GRIK1: variants seen among roughly 807,000 people sequenced by gnomAD.
The protein encoded by GRIK1 is glutamate receptor ionotropic, kainate 1.
In GRIK1, 69 loss-of-function variants were observed where a neutral mutation model predicts 105.7. The observed-to-expected ratio is 0.65, with a 90% CI of 0.54 to 0.80. The LOEUF (loss-of-function observed/expected upper bound fraction) is 0.80, where lower values mean the gene tolerates loss of function less well. Ranked by LOEUF, GRIK1 falls within the 30% of genes least tolerant of loss-of-function variation. The pLI, the probability that GRIK1 is intolerant of heterozygous loss-of-function variation, is 0.00. For synonymous variants in GRIK1, 438 were observed against 431.3 expected (o/e 1.02, Z -0.19); for missense variants, 1,109 against 1,167.3 (o/e 0.95, Z 0.73).
chr21:29,553,547 T>C (rs750218215), intron 16 of GRIK1: 2 of 1,484,116 alleles, frequency 1.3e-6, no homozygotes, highest in Non-Finnish European at 1.8e-6. Flanking sequence ...TTTTTTTTTT[T>C]AAACTGATTA....
intron 1 of GRIK1, among the ~76,000 whole-genome samples, chr21:29,725,605 A>T (rs1175227406): frequency 1.3e-5 from 2 of 152,230 alleles, no homozygotes; most frequent in Admixed American, 1.3e-4. Flanking sequence ...GCCATAATGT[A>T]GTCCTATTAG....
intron 1 of GRIK1, among the ~76,000 whole-genome samples, chr21:29,888,022 C>T (rs1430675011): frequency 6.6e-6 from 1 of 151,550 alleles, no homozygotes; most frequent in African/African-American, 2.4e-5. Context: ...AACCAACTCC[C>T]CAAAAGCTAG....
At chr21:29,842,979 T>A (rs1217716725) in intron 1 of GRIK1, among the ~76,000 whole-genome samples, 1 of 152,240 alleles carries the variant, frequency 6.6e-6, no homozygotes, top group South Asian at 2.1e-4. Context: ...TTTCCTATTA[T>A]ATATTTCTGA....
chr21:29,809,462 T>C (rs573856812), intron 1 of GRIK1, among the ~76,000 whole-genome samples: 1 of 152,330 alleles, frequency 6.6e-6, no homozygotes, highest in Admixed American at 6.5e-5. Flanking sequence ...CAAGTTGTAA[T>C]CTTTTTGCTG....
intron 6 of GRIK1, among the ~76,000 whole-genome samples, chr21:29,644,301 C>T (rs1203901307): frequency 6.6e-6 from 1 of 152,046 alleles, no homozygotes; most frequent in Non-Finnish European, 1.5e-5. Flanking sequence ...ATCTTTATGT[C>T]TGTATCTTGT....
chr21:29,927,099 C>A (rs1259587079), intron 1 of GRIK1, among the ~76,000 whole-genome samples: 1 of 152,124 alleles, frequency 6.6e-6, no homozygotes, highest in Non-Finnish European at 1.5e-5. Flanking sequence ...GGGCCTGATG[C>A]CTCCCCGCTC....
At chr21:29,587,626 G>A (rs761258030) in intron 11 of GRIK1, 37 bp from the exon 12 acceptor site, 1 of 1,247,394 alleles carries the variant, frequency 8.0e-7, no homozygotes, top group South Asian at 1.2e-5. Context: ...GCTTAGTCTA[G>A]TTTCTTTGCA....
chr21:29,907,029 A>T lies in GRIK1; in HGVS notation c.118+32354T>A, dbSNP rs536167736. On this transcript the variant is annotated intron_variant, in intron 1 of 17. Coordinates refer to ENST00000327783, the MANE Select transcript of GRIK1 (RefSeq NM_001330994.2). ...TGAGATGAATCAATAAAAATAAAAA[A>T]AAAAAAGCCAAAGCAAATAAATCTA... is the stretch of plus-strand genomic sequence containing the variant. Among the ~76,000 whole-genome samples, 15 of 147,242 alleles carry T rather than the reference A, an allele frequency of 1.0e-4. No homozygotes were observed. The East Asian group carries it at 1.2e-3, about 11-fold the overall frequency.
chr21:29,692,613 A>G (rs1418898155), intron 2 of GRIK1, among the ~76,000 whole-genome samples: 2 of 152,162 alleles, frequency 1.3e-5, no homozygotes, highest in East Asian at 1.9e-4. Flanking sequence ...TCGCTCTGTC[A>G]CCCAGGCTGG....
Position 29,725,174 on chromosome 21 carries a change from C to A in GRIK1, c.119-31111G>T, listed in dbSNP as rs547711091. ...TTGCGAACAAGGTCACCATCTTCAA[C>A]AGCATTTCAGTAAGAAATAACCAAA... is the stretch of plus-strand genomic sequence containing the variant. On this transcript the variant is annotated intron_variant, in intron 1 of 17. Coordinates refer to ENST00000327783, the MANE Select transcript of GRIK1 (RefSeq NM_001330994.2). 7.2e-5 allele frequency among the ~76,000 whole-genome samples: 11 copies of A among 152,266 alleles called. No homozygotes were observed. The South Asian group carries it at 2.3e-3, about 32-fold the overall frequency.
At chr21:29,934,898 C>T (rs1440538483) in intron 1 of GRIK1, among the ~76,000 whole-genome samples, 1 of 152,100 alleles carries the variant, frequency 6.6e-6, no homozygotes, top group Non-Finnish European at 1.5e-5. Flanking sequence ...AAGATCTGCT[C>T]ATTCTCAGCA....
Position 29,939,637 on chromosome 21 carries a change from G to C in GRIK1, c.-137C>G. 3.5e-6 allele frequency: 2 copies of C among 568,712 alleles called. No homozygotes were observed. The highest frequency in any genetic ancestry group is 6.8e-5 in the East Asian group (2 of 29,620). 35.2% of individuals were successfully genotyped at this position (568,712 alleles called of 1,614,324 possible). On this transcript the variant is annotated 5_prime_UTR_variant, in exon 1 of 18. Transcript: ENST00000327783. ...GCACGCTGCGCGCTCCCCACGGAGC[G>C]AGCTCGAGGGAACCCGCGTGGGACC... is the stretch of plus-strand genomic sequence containing the variant.
At chr21:29,654,536 C>T (rs2062807455) in intron 5 of GRIK1, among the ~76,000 whole-genome samples, 1 of 151,834 alleles carries the variant, frequency 6.6e-6, no homozygotes, top group Non-Finnish European at 1.5e-5. Context: ...TTAATAGTTT[C>T]TATTTAATGG....
At chr21:29,621,421 G>A (rs1277232583) in intron 7 of GRIK1, among the ~76,000 whole-genome samples, 2 of 151,898 alleles carry the variant, frequency 1.3e-5, no homozygotes, top group African/African-American at 2.4e-5. Context: ...TGGGGAAGAC[G>A]ATCTAAAACC....
intron 1 of GRIK1, among the ~76,000 whole-genome samples, chr21:29,747,831 G>A (rs933376418): frequency 6.6e-6 from 1 of 152,030 alleles, no homozygotes; most frequent in Non-Finnish European, 1.5e-5. Context: ...CCATCTCAAA[G>A]AAAAAAGAAT....
intron 1 of GRIK1, among the ~76,000 whole-genome samples, chr21:29,881,370 T>C (rs949932754): frequency 1.1e-4 from 17 of 152,210 alleles, no homozygotes; most frequent in African/African-American, 4.1e-4. Context: ...TCATAAAATT[T>C]CAATAAAATA....
chr21:29,816,701 A>G (rs2067163508), intron 1 of GRIK1, among the ~76,000 whole-genome samples: 2 of 152,172 alleles, frequency 1.3e-5, no homozygotes, highest in Admixed American at 6.6e-5. Context: ...CAGAAAGTCA[A>G]ACATTGCATG....
chr21:29,707,429 T>A (rs1250754024), intron 1 of GRIK1, among the ~76,000 whole-genome samples: 1 of 136,768 alleles, frequency 7.3e-6, no homozygotes, highest in Non-Finnish European at 1.6e-5. Context: ...TTTCTTTCCC[T>A]TCCTCCCTCC....
At chr21:29,806,568 A>G (rs1316616454) in intron 1 of GRIK1, among the ~76,000 whole-genome samples, 1 of 152,114 alleles carries the variant, frequency 6.6e-6, no homozygotes, top group Admixed American at 6.6e-5. Context: ...TTAAATATCA[A>G]TACTAAGGGA....
Sources: allele counts gnomAD v4.1 joint callset (sites outside exome capture counted in the v4.1 genomes callset), GRCh38; gene constraint gnomAD v4.1.1; transcripts MANE v1.5; gene names NCBI Gene and HGNC (gene_info 2026-07-23, HGNC 2026-07-21).